BARD1: variants seen among roughly 807,000 people sequenced by gnomAD.
The protein encoded by BARD1 is BRCA1 associated RING domain 1, also known as BRCA1-associated RING domain protein 1.
Under a neutral mutation model 77.0 loss-of-function variants are expected in BARD1, and 73 were observed. That is an observed-to-expected ratio of 0.95 (90% CI 0.79 to 1.15). The LOEUF (loss-of-function observed/expected upper bound fraction) is 1.15. Among genes scored for constraint, BARD1 ranks in the 50% most tolerant of loss-of-function variants. BARD1 has a pLI of 0.00. For missense variants in BARD1, 993 were observed against 938.8 expected (o/e 1.06, Z -0.75); for synonymous variants, 384 against 338.0 (o/e 1.14, Z -1.49).
intron 9 of BARD1, among the ~76,000 whole-genome samples, chr2:214,737,992 C>T (rs542711707): frequency 9.2e-5 from 14 of 152,180 alleles, no homozygotes; most frequent in Admixed American, 5.2e-4. Context: ...TTTTAGTTAG[C>T]TTTCTTGGCT....
intron 4 of BARD1, among the ~76,000 whole-genome samples, chr2:214,780,266 T>C (rs1303797911): frequency 6.6e-6 from 1 of 152,100 alleles, no homozygotes; most frequent in African/African-American, 2.4e-5. Context: ...GTAAACAAAA[T>C]GATAAAAACT....
rs1692224260 is a variant in BARD1, at chr2:214,728,943, G to A, written c.2067C>T (p.Asp689=). The A allele has an allele frequency of 6.2e-7, 1 of 1,614,174 alleles. No homozygotes were observed. The highest frequency in any genetic ancestry group is 8.5e-7 in the Non-Finnish European group (1 of 1,180,030). ...CTGCAGTGACGAGCTTAATAAGGTT[G>A]TCCTTTGGATGGTGTTTGAAGGTTC... ...LWGTFKHHPK[D]NLIKLVTAGG... is the part of the protein sequence containing the mutation. The change falls in exon 11 of 11, where the codon GAC becomes GAT. Residue 689 remains aspartate (D), a synonymous_variant. Coordinates refer to ENST00000260947, the MANE Select transcript of BARD1 (RefSeq NM_000465.4).
chr2:214,779,753 T>A (rs1694892912), intron 4 of BARD1, among the ~76,000 whole-genome samples: 1 of 152,186 alleles, frequency 6.6e-6, no homozygotes, highest in South Asian at 2.1e-4. Flanking sequence ...CCTGGGTGAA[T>A]TGACTACGTA....
intron 10 of BARD1, 23 bp from the exon 11 acceptor site, chr2:214,729,031 G>A (rs756177960): frequency 1.2e-6 from 2 of 1,607,594 alleles, no homozygotes; most frequent in Non-Finnish European, 1.7e-6. Flanking sequence ...GAAAACATTT[G>A]TTAAAGGCAG....
At chr2:214,791,788 C>T (rs2106133092) in intron 3 of BARD1, among the ~76,000 whole-genome samples, 1 of 152,244 alleles carries the variant, frequency 6.6e-6, no homozygotes, top group Middle Eastern at 3.4e-3. Flanking sequence ...AGGCCAAAAT[C>T]ACTATTCCAT....
intron 6 of BARD1, among the ~76,000 whole-genome samples, chr2:214,760,262 G>A (rs1256903923): frequency 6.6e-6 from 1 of 152,114 alleles, no homozygotes; most frequent in East Asian, 1.9e-4. Context: ...GCACGATCTC[G>A]GCTTACTGCA....
rs1692179427 is a variant in BARD1, at chr2:214,728,516, A to C, written c.*160T>G. ...GCTTCTAAATGGTAAACATAACATG[A>C]ATTCCTAATCTGGCATTAGACTTTT... On this transcript the variant is annotated 3_prime_UTR_variant, in exon 11 of 11. Coordinates refer to ENST00000260947, the MANE Select transcript of BARD1 (RefSeq NM_000465.4). The C allele has an allele frequency of 1.5e-6, 1 of 681,722 alleles. No individual in the cohort carries two copies. The highest frequency in any genetic ancestry group is 1.9e-5 in the African/African-American group (1 of 53,746). The allele number at this position is 681,722 out of a possible 1,614,324, so 42.2% of individuals were successfully genotyped here.
At chr2:214,802,385 C>T (rs1219336486) in intron 1 of BARD1, among the ~76,000 whole-genome samples, 1 of 152,146 alleles carries the variant, frequency 6.6e-6, no homozygotes, top group East Asian at 1.9e-4. Context: ...CTGGGCTATG[C>T]TATGATGTTT....
intron 3 of BARD1, among the ~76,000 whole-genome samples, chr2:214,786,590 A>C (rs1268061434): frequency 1.3e-5 from 2 of 151,968 alleles, no homozygotes; most frequent in Non-Finnish European, 2.9e-5. Context: ...AAAATAAAAT[A>C]ATTAGTACTT....
intron 9 of BARD1, among the ~76,000 whole-genome samples, chr2:214,740,249 A>G (rs1692758740): frequency 6.6e-6 from 1 of 152,066 alleles, no homozygotes; most frequent in African/African-American, 2.4e-5. Context: ...TCCATTAAAC[A>G]GGTATAAAAG....
intron 4 of BARD1, among the ~76,000 whole-genome samples, chr2:214,773,382 A>AAAAC (rs1393720329): frequency 1.3e-5 from 2 of 152,226 alleles, no homozygotes; most frequent in African/African-American, 2.4e-5. Context: ...AGATGCCATT[A>AAAAC]AAACAAACAA....
chr2:214,728,533 TAG>T lies in BARD1; in HGVS notation c.*141_*142del, dbSNP rs1692180121. On this transcript the variant is annotated 3_prime_UTR_variant, in exon 11 of 11. Transcript: ENST00000260947. ...ATAACATGAATTCCTAATCTGGCAT[TAG>T]ACTTTTTTTTTTTTTTTGATTCAAA... 4.4e-6 allele frequency: 3 copies of T among 675,882 alleles called. No individual in the cohort carries two copies. Among genetic ancestry groups the T allele is most frequent in the Non-Finnish European group, 6.6e-6 (3 of 454,244 alleles). 41.9% of individuals were successfully genotyped at this position (675,882 alleles called of 1,614,324 possible).
chr2:214,778,348 T>C (rs564039317), intron 4 of BARD1, among the ~76,000 whole-genome samples: 3 of 152,178 alleles, frequency 2.0e-5, no homozygotes, highest in African/African-American at 7.2e-5. Flanking sequence ...TATTAATTGG[T>C]GATTTTAAAA....
chr2:214,805,198 C>T (rs1442187877), intron 1 of BARD1, among the ~76,000 whole-genome samples: 1 of 152,144 alleles, frequency 6.6e-6, no homozygotes, highest in Non-Finnish European at 1.5e-5. Flanking sequence ...AATTTAAAAG[C>T]CCATGAAGCT....
rs1299360165 is a variant in BARD1, at chr2:214,767,576, A to G, written c.1474T>C (p.Tyr492His). 1 of 1,614,076 alleles carries G rather than the reference A, an allele frequency of 6.2e-7. No individual in the cohort carries two copies. The highest frequency in any genetic ancestry group is 1.7e-5 in the Admixed American group (1 of 60,012). ...QHKALVNTTG[Y>H]QNDSPLHDAA... ...TCGTGAAGTGGTGAGTCATTTTGAT[A>G]CCCGGTGGTGTTCACCAATGCCTTA... Residue 492 changes from tyrosine (Y) to histidine (H), a missense_variant, in exon 6 of 11, where the codon TAT (tyrosine) becomes CAT (histidine). Coordinates refer to ENST00000260947, the MANE Select transcript of BARD1 (RefSeq NM_000465.4).
intron 1 of BARD1, among the ~76,000 whole-genome samples, chr2:214,804,653 G>T (rs1313979906): frequency 1.3e-5 from 2 of 152,126 alleles, no homozygotes; most frequent in Non-Finnish European, 2.9e-5. Context: ...AGGAACCAGA[G>T]TCCAGGAAAG....
chr2:214,748,368 C>T lies in BARD1; in HGVS notation c.1678-2514G>A, dbSNP rs533690666. 6.3e-4 allele frequency among the ~76,000 whole-genome samples: 95 copies of T among 151,914 alleles called. 1 individual carries two copies. The highest frequency in any genetic ancestry group is 2.1e-3 in the African/African-American group (89 of 41,446). On this transcript the variant is annotated intron_variant, in intron 7 of 10. Transcript: ENST00000260947. The stretch of plus-strand genomic sequence containing the variant: ...TGACCCATGAGGCTCAAAAGAGGTA[C>T]AAAAAACACCCCAAAGGTTTAATAC...
Position 214,780,821 on chromosome 2 carries a change from C to A in BARD1, c.1053G>T (p.Thr351=), listed in dbSNP as rs2070096. 1 of 1,613,854 alleles carries A rather than the reference C, an allele frequency of 6.2e-7. No homozygotes were observed. Among genetic ancestry groups the A allele is most frequent in the Non-Finnish European group, 8.5e-7 (1 of 1,179,950 alleles). Residue 351 remains threonine, a synonymous_variant, in exon 4 of 11, where the codon ACG becomes ACT. Coordinates refer to ENST00000260947, the MANE Select transcript of BARD1 (RefSeq NM_000465.4). ...LSTSGDFVKQ[T]VPSENIPLPE... ...GCAATGGTATATTTTCTGAGGGCAC[C>A]GTTTGCTTAACAAAATCTCCACTGG...
chr2:214,784,483 T>G (rs1302072084), intron 3 of BARD1, among the ~76,000 whole-genome samples: 1 of 152,100 alleles, frequency 6.6e-6, no homozygotes, highest in Non-Finnish European at 1.5e-5. Flanking sequence ...TCCTCAAGGA[T>G]CTAGGACCAG....
Sources: allele counts gnomAD v4.1 joint callset (sites outside exome capture counted in the v4.1 genomes callset), GRCh38; gene constraint gnomAD v4.1.1; transcripts MANE v1.5; gene names NCBI Gene and HGNC (gene_info 2026-07-23, HGNC 2026-07-21).